TNFSF4: variants seen among roughly 807,000 people sequenced by gnomAD.
TNFSF4 encodes tumor necrosis factor ligand superfamily member 4.
Under a neutral mutation model 7.3 loss-of-function variants are expected in TNFSF4, and 4 were observed. That is an observed-to-expected ratio of 0.55 (90% CI 0.27 to 1.25). The LOEUF is 1.25. Ranked by LOEUF, TNFSF4 falls within the 50% of genes most tolerant of loss-of-function variation. The pLI is 0.12. For missense variants in TNFSF4, 181 were observed against 208.8 expected (o/e 0.87, Z 0.82); for synonymous variants, 76 against 83.7 (o/e 0.91, Z 0.50).
chr1:173,303,346 C>T, the TNFSF4 span, among the ~76,000 whole-genome samples: 1 of 151,868 alleles, frequency 6.6e-6, no homozygotes, highest in South Asian at 2.1e-4. Flanking sequence ...TTTACTGGGG[C>T]TCATTGTATG....
chr1:173,341,471 G>C, the TNFSF4 span, among the ~76,000 whole-genome samples: 1 of 152,170 alleles, frequency 6.6e-6, no homozygotes, highest in Non-Finnish European at 1.5e-5. Context: ...CTAAGGCCTG[G>C]TCACCCAGTG....
At chr1:173,299,817 G>A in the TNFSF4 span, among the ~76,000 whole-genome samples, 1 of 151,828 alleles carries the variant, frequency 6.6e-6, no homozygotes, top group African/African-American at 2.4e-5. Context: ...AAAGTTGGGA[G>A]GGGGAACATA....
the TNFSF4 span, among the ~76,000 whole-genome samples, chr1:173,361,400 A>G: frequency 3.9e-5 from 6 of 152,234 alleles, no homozygotes; most frequent in East Asian, 1.2e-3. Flanking sequence ...AGAAGTCAAG[A>G]CCAGCCTGGC....
chr1:173,284,033 G>T, the TNFSF4 span, among the ~76,000 whole-genome samples: 1 of 151,526 alleles, frequency 6.6e-6, no homozygotes, highest in African/African-American at 2.4e-5. Context: ...TGTAGAAAAA[G>T]TTTGAGTGAT....
chr1:173,232,282 T>C, the TNFSF4 span, among the ~76,000 whole-genome samples: 2 of 152,308 alleles, frequency 1.3e-5, no homozygotes, highest in African/African-American at 4.8e-5. Context: ...CTGTTATTGG[T>C]GTATAAGAAT....
chr1:173,303,999 C>A, the TNFSF4 span, among the ~76,000 whole-genome samples: 2 of 151,840 alleles, frequency 1.3e-5, no homozygotes, highest in Non-Finnish European at 2.9e-5. Context: ...TTAAAAATAT[C>A]TTTTTATTCT....
At chr1:173,431,476 T>G in the TNFSF4 span, among the ~76,000 whole-genome samples, 1 of 152,218 alleles carries the variant, frequency 6.6e-6, no homozygotes, top group South Asian at 2.1e-4. Context: ...AAAATCAGCC[T>G]GCAGAAAGAA....
chr1:173,315,864 A>AT, the TNFSF4 span, among the ~76,000 whole-genome samples: 1 of 151,646 alleles, frequency 6.6e-6, no homozygotes, highest in Non-Finnish European at 1.5e-5. Flanking sequence ...CATTTTGTTG[A>AT]TTTTTTCCTT....
At chr1:173,200,710 C>G (rs1649907561) in intron 1 of TNFSF4, among the ~76,000 whole-genome samples, 1 of 152,146 alleles carries the variant, frequency 6.6e-6, no homozygotes, top group Non-Finnish European at 1.5e-5. Context: ...CACTGGCTTT[C>G]TAGGATGAAG....
At chr1:173,225,511 C>T in the TNFSF4 span, among the ~76,000 whole-genome samples, 1 of 152,192 alleles carries the variant, frequency 6.6e-6, no homozygotes, top group Non-Finnish European at 1.5e-5. Context: ...CCAAAATTTA[C>T]TAAACACTAT....
upstream of TNFSF4, among the ~76,000 whole-genome samples, chr1:173,210,759 G>A (rs1272881936): frequency 6.6e-6 from 1 of 152,182 alleles, no homozygotes; most frequent in African/African-American, 2.4e-5. Flanking sequence ...TGGCAAGGCA[G>A]GATCAAGTTG....
chr1:173,431,973 CAG>C, the TNFSF4 span, among the ~76,000 whole-genome samples: 12 of 152,274 alleles, frequency 7.9e-5, no homozygotes, highest in African/African-American at 2.4e-4. Context: ...GTGAAATCAG[CAG>C]AGTGTAGCAA....
At chr1:173,281,080 C>T in the TNFSF4 span, among the ~76,000 whole-genome samples, 1 of 152,042 alleles carries the variant, frequency 6.6e-6, no homozygotes, top group African/African-American at 2.4e-5. Flanking sequence ...TTTTGCAATC[C>T]TGTTGTGGTT....
chr1:173,179,519 A>G (rs1649014286), downstream of TNFSF4, among the ~76,000 whole-genome samples: 1 of 152,132 alleles, frequency 6.6e-6, no homozygotes, highest in South Asian at 2.1e-4. Flanking sequence ...ACACCCCTTT[A>G]ATCATACCTA....
chr1:173,179,090 AT>A (rs1649006011), downstream of TNFSF4, among the ~76,000 whole-genome samples: 1 of 152,232 alleles, frequency 6.6e-6, no homozygotes, highest in South Asian at 2.1e-4. Context: ...TCCAAGACTC[AT>A]TTCAGACTTC....
At chr1:173,231,280 G>A in the TNFSF4 span, among the ~76,000 whole-genome samples, 2 of 152,214 alleles carry the variant, frequency 1.3e-5, no homozygotes, top group Admixed American at 1.3e-4. Context: ...GGGATGCAAG[G>A]CTGGTTCAAC....
the TNFSF4 span, among the ~76,000 whole-genome samples, chr1:173,328,444 T>C: frequency 6.6e-6 from 1 of 151,902 alleles, no homozygotes; most frequent in Non-Finnish European, 1.5e-5. Flanking sequence ...ACATGGCACA[T>C]GTATACATAT....
the TNFSF4 span, among the ~76,000 whole-genome samples, chr1:173,429,573 T>G: frequency 6.6e-6 from 1 of 152,210 alleles, no homozygotes; most frequent in African/African-American, 2.4e-5. Context: ...AAGAGACAGA[T>G]CCAAGACTGA....
the TNFSF4 span, among the ~76,000 whole-genome samples, chr1:173,289,310 C>T: frequency 6.6e-6 from 1 of 152,088 alleles, no homozygotes; most frequent in South Asian, 2.1e-4. Context: ...AGACACAGCG[C>T]TCACATAAGT....
Sources: gnomAD v4.1 joint callset for allele counts (sites outside exome capture counted in the v4.1 genomes callset) on GRCh38, gnomAD v4.1.1 for gene constraint, MANE v1.5 for transcripts, NCBI Gene and HGNC (gene_info 2026-07-23, HGNC 2026-07-21) for gene names.